Variants in MICAL3 observed in about 807,000 individuals in gnomAD.
MICAL3 encodes [F-actin]-monooxygenase MICAL3.
A neutral mutation model predicts 207.4 loss-of-function variants in MICAL3; 62 were observed. That is an observed-to-expected ratio of 0.30 (90% CI 0.24 to 0.37). The LOEUF is 0.37. Among genes scored for constraint, MICAL3 ranks in the 10% least tolerant of loss-of-function variants. The pLI is 1.00. For missense variants in MICAL3, 2,368 were observed against 2,635.6 expected (o/e 0.90, Z 2.22); for synonymous variants, 1,077 against 1,069.3 (o/e 1.01, Z -0.14).
In MICAL3 at chr22:17,841,154, A is replaced by C. The variant is rs1555982324; in HGVS notation, c.2801+668T>G. The C allele has an allele frequency of 6.5e-6, 1 of 152,724 alleles. No homozygotes were observed. The highest frequency in any genetic ancestry group is 1.5e-5 in the Non-Finnish European group (1 of 68,430). 9.5% of individuals were successfully genotyped at this position (152,724 alleles called of 1,614,324 possible). On this transcript the variant is annotated intron_variant, in intron 20 of 31. Transcript: ENST00000441493. This position sits in a 1 kb window ranked among gnomAD's most constrained non-coding sequence, Gnocchi z 4.2. Reference sequence around the variant, plus strand: ...TTTCTGTCCTGAAGCCCCACAGGACACCGGACCCCCTTTTGATTCTTGGCT... The same window carrying C: ...TTTCTGTCCTGAAGCCCCACAGGACCCCGGACCCCCTTTTGATTCTTGGCT...
At chr22:17,947,739 T>C (rs1934142541) in intron 1 of MICAL3, among the ~76,000 whole-genome samples, 1 of 141,758 alleles carries the variant, frequency 7.1e-6, no homozygotes. Context: ...TGATATTTTC[T>C]TAAATTTTTT....
intron 1 of MICAL3, among the ~76,000 whole-genome samples, chr22:17,974,925 C>T (rs1935571794): frequency 6.6e-6 from 1 of 152,130 alleles, no homozygotes; most frequent in Non-Finnish European, 1.5e-5. Flanking sequence ...GAAATTGAGT[C>T]ATTTATCAAG....
intron 1 of MICAL3, among the ~76,000 whole-genome samples, chr22:17,976,535 A>ATGTGTG (rs148517944): frequency 2.6e-4 from 25 of 97,070 alleles, no homozygotes; most frequent in Admixed American, 6.0e-4. Flanking sequence ...GTGTATATAT[A>ATGTGTG]TGTGTGTGTG....
chr22:17,988,984 G>A (rs1025912856), intron 1 of MICAL3, among the ~76,000 whole-genome samples: 9 of 152,204 alleles, frequency 5.9e-5, no homozygotes, highest in African/African-American at 2.2e-4. Context: ...TTACCTTCCG[G>A]CCTTTTACAG....
chr22:17,909,039 C>A (rs1931948115), intron 1 of MICAL3, among the ~76,000 whole-genome samples: 1 of 152,200 alleles, frequency 6.6e-6, no homozygotes, highest in Non-Finnish European at 1.5e-5. Flanking sequence ...TGAGATGCAT[C>A]TTAAGTTTCA....
Position 17,908,197 on chromosome 22 carries a change from C to T in MICAL3, c.-74-1311G>A, listed in dbSNP as rs552324294. 8.5e-5 allele frequency among the ~76,000 whole-genome samples: 13 copies of T among 152,318 alleles called. No homozygotes were observed. The East Asian group carries it at 2.5e-3, about 29-fold the overall frequency. On this transcript the variant is annotated intron_variant, in intron 1 of 31. Transcript: ENST00000441493. Reference sequence around the variant, plus strand: ...TGACCACAGGGCTGAGCCCACACAGCCAGACCCCAGCTGCACGACCCCGCT... The same window carrying T: ...TGACCACAGGGCTGAGCCCACACAGTCAGACCCCAGCTGCACGACCCCGCT...
At chr22:17,881,282 G>A (rs777337148) in intron 16 of MICAL3, 24 of 1,609,468 alleles carry the variant, frequency 1.5e-5, no homozygotes, top group Admixed American at 1.2e-4. Context: ...GGGCAGGTCC[G>A]AGAACACTCC....
rs760380026 is a variant in MICAL3 at position 17,841,791 on chromosome 22, G to T, written c.2801+31C>A. The stretch of plus-strand genomic sequence containing the variant: ...GAGGAGGCTCTTAGGGCCGTGTGGC[G>T]GGTGGGCGCCCTGCAGCCCTGCGTG... On this transcript the variant is annotated intron_variant, in intron 20 of 31. Transcript: ENST00000441493. This position sits in a 1 kb window ranked among gnomAD's most constrained non-coding sequence, Gnocchi z 4.2. 785 of 1,538,194 alleles carry T rather than the reference G, an allele frequency of 5.1e-4. 2 individuals are homozygous for T. The highest frequency in any genetic ancestry group is 6.3e-4 in the Non-Finnish European group (716 of 1,142,366).
intron 20 of MICAL3, among the ~76,000 whole-genome samples, chr22:17,835,224 T>A (rs572180395): frequency 5.3e-5 from 5 of 95,190 alleles, no homozygotes; most frequent in African/African-American, 1.5e-4. Flanking sequence ...CCTCCGTGCA[T>A]CAGCTGGTTT....
intron 1 of MICAL3, among the ~76,000 whole-genome samples, chr22:17,963,352 G>A (rs1935003790): frequency 1.3e-5 from 2 of 152,220 alleles, no homozygotes; most frequent in African/African-American, 4.8e-5. Context: ...AAGGAAGACT[G>A]TTAGGGACAC....
intron 20 of MICAL3, 122 bp from the exon 21 acceptor site, chr22:17,832,229 G>A (rs777278560): frequency 7.9e-7 from 1 of 1,263,394 alleles, no homozygotes; most frequent in Non-Finnish European, 1.1e-6. Flanking sequence ...CAGGCGGAGA[G>A]AGACAGGAGG....
intron 3 of MICAL3, among the ~76,000 whole-genome samples, chr22:17,903,407 G>A (rs1323650678): frequency 6.6e-6 from 1 of 152,216 alleles, no homozygotes; most frequent in African/African-American, 2.4e-5. Flanking sequence ...GACTTAAGGT[G>A]CAGAGATAAA....
chr22:17,946,049 AG>A (rs1182984944), intron 1 of MICAL3, among the ~76,000 whole-genome samples: 1 of 152,170 alleles, frequency 6.6e-6, no homozygotes, highest in East Asian at 1.9e-4. Context: ...TAGTAACAAC[AG>A]GGTATTAAGT....
intron 29 of MICAL3, among the ~76,000 whole-genome samples, chr22:17,797,142 G>C (rs566142235): frequency 6.6e-6 from 1 of 152,304 alleles, no homozygotes; most frequent in South Asian, 2.1e-4. Flanking sequence ...CGAAATCCAA[G>C]AGCCATAGCC....
rs75799664 is a variant in MICAL3, at chr22:17,869,274, T to G, written c.2428+2563A>C. 6.7e-3 allele frequency among the ~76,000 whole-genome samples: 1,019 copies of G among 152,200 alleles called. 10 individuals are homozygous for G. Among genetic ancestry groups the G allele is most frequent in the African/African-American group, 0.023 (959 of 41,520 alleles). On this transcript the variant is annotated intron_variant, in intron 17 of 31. Transcript: ENST00000441493. ...ACACTGGTGAGATCCAAGTCACACC[T>G]TTTAAAATCCCTCCGGTTGCTCTGT...
At chr22:17,978,276 A>C (rs568566294) in intron 1 of MICAL3, among the ~76,000 whole-genome samples, 79 of 152,320 alleles carry the variant, frequency 5.2e-4, no homozygotes, top group Middle Eastern at 3.4e-3. Flanking sequence ...TGCTAAGTGA[A>C]AGCAGCCAGT....
At chr22:17,844,716 G>A (rs909099000) in intron 19 of MICAL3, among the ~76,000 whole-genome samples, 2 of 152,168 alleles carry the variant, frequency 1.3e-5, no homozygotes, top group Middle Eastern at 3.2e-3. Context: ...CTTGCTGGGG[G>A]ACCTTTTTAA....
intron 19 of MICAL3, among the ~76,000 whole-genome samples, chr22:17,849,087 T>C (rs988872703): frequency 3.9e-5 from 6 of 152,216 alleles, no homozygotes; most frequent in Non-Finnish European, 7.3e-5. Context: ...GATCACATGA[T>C]ATGAGGTATT....
chr22:17,914,872 G>A (rs138661665), intron 1 of MICAL3, among the ~76,000 whole-genome samples: 9 of 152,304 alleles, frequency 5.9e-5, no homozygotes, highest in African/African-American at 1.9e-4. Context: ...ACGCCTATGA[G>A]GAGTCAATGA....
Sources: allele counts gnomAD v4.1 joint callset (sites outside exome capture counted in the v4.1 genomes callset), GRCh38; gene constraint gnomAD v4.1.1; non-coding constraint Gnocchi (gnomAD v3.1); transcripts MANE v1.5; gene names NCBI Gene and HGNC (gene_info 2026-07-23, HGNC 2026-07-21).